CRLF2: variants seen among roughly 807,000 people sequenced by gnomAD.
CRLF2 encodes cytokine receptor-like factor 2.
CRLF2 carries 41 observed loss-of-function variants against 38.7 expected under a neutral mutation model. The ratio of observed to expected loss-of-function variants is 1.06; its 90% CI spans 0.83 to 1.37. CRLF2 has a LOEUF of 1.37. Among genes scored for constraint, CRLF2 ranks in the 40% most tolerant of loss-of-function variants. CRLF2 has a pLI of 0.00. For synonymous variants in CRLF2, 140 were observed against 128.8 expected (o/e 1.09, Z -0.59); for missense variants, 377 against 322.2 (o/e 1.17, Z -1.30).
At chrX:1,210,924 A>AATGGGTGG (rs1200818457) in intron 1 of CRLF2, among the ~76,000 whole-genome samples, 1 of 150,138 alleles carries the variant, frequency 6.7e-6, no homozygotes, top group Non-Finnish European at 1.5e-5. Flanking sequence ...TACACAGGTG[A>AATGGGTGG]ATGGGTGGAT....
rs2086360246 is a variant in CRLF2, at chrX:1,190,754, G to A, written c.*143C>T. 2 of 398,218 alleles carry A rather than the reference G, an allele frequency of 5.0e-6. No individual in the cohort carries two copies. Among genetic ancestry groups the A allele is most frequent in the East Asian group, 3.6e-5 (1 of 28,058 alleles). The allele number at this position is 398,218 out of a possible 1,614,324, so 24.7% of individuals were successfully genotyped here. A position where few individuals can be genotyped will look rare whatever the true frequency, so the allele number is the denominator to read the frequency against. On this transcript the variant is annotated 3_prime_UTR_variant, in exon 8 of 8. Transcript: ENST00000400841. ...GGCAGTGGCCGCATTAGGCGGTGAG[G>A]CTGGGTCTTCAGAGTCTCCTAGTCC...
At chrX:1,196,475 C>A (rs373572582) in intron 6 of CRLF2, among the ~76,000 whole-genome samples, 1 of 151,712 alleles carries the variant, frequency 6.6e-6, no homozygotes, top group Non-Finnish European at 1.5e-5. Context: ...CGTGAACCAC[C>A]GTGCCTGACC....
At chrX:1,200,186 G>C (rs2086576637) in intron 4 of CRLF2, among the ~76,000 whole-genome samples, 1 of 151,332 alleles carries the variant, frequency 6.6e-6, no homozygotes, top group Non-Finnish European at 1.5e-5. Context: ...GTGTATATAA[G>C]CTGTGTATAT....
intron 4 of CRLF2, 68 bp downstream of exon 4, chrX:1,202,334 G>A (rs2086621853): frequency 6.3e-6 from 10 of 1,593,488 alleles, no homozygotes; most frequent in South Asian, 3.3e-5. Context: ...ATGAAACAGC[G>A]AATCCCACAG....
intron 1 of CRLF2, among the ~76,000 whole-genome samples, chrX:1,210,447 G>A (rs2086777490): frequency 1.3e-5 from 2 of 152,104 alleles, no homozygotes; most frequent in Admixed American, 1.3e-4. Context: ...CCAAGTAGCT[G>A]GGACTACAGG....
chrX:1,207,970 G>A (rs1326073232), intron 2 of CRLF2, among the ~76,000 whole-genome samples: 11 of 152,054 alleles, frequency 7.2e-5, no homozygotes, highest in South Asian at 4.1e-4. Context: ...TGTACGCTTT[G>A]CCGTTTATCT....
intron 2 of CRLF2, among the ~76,000 whole-genome samples, chrX:1,206,854 A>C (rs1329635778): frequency 1.3e-5 from 2 of 150,986 alleles, no homozygotes; most frequent in Non-Finnish European, 2.9e-5. Context: ...TGTTGGGGCC[A>C]GGCTGGTCTG....
chrX:1,210,814 G>T (rs1157601265), intron 1 of CRLF2, among the ~76,000 whole-genome samples: 2 of 152,196 alleles, frequency 1.3e-5, no homozygotes, highest in African/African-American at 2.4e-5. Context: ...GGATGGGTAG[G>T]TAGATGGATG....
At chrX:1,201,277 C>CTGTGTGTGT (rs2086599661) in intron 4 of CRLF2, among the ~76,000 whole-genome samples, 2 of 150,864 alleles carry the variant, frequency 1.3e-5, no homozygotes, top group African/African-American at 4.9e-5. Flanking sequence ...TGTGTGTGTG[C>CTGTGTGTGT]CTGTGTGTGT....
At chrX:1,192,740 C>CT (rs1449158998) in intron 7 of CRLF2, among the ~76,000 whole-genome samples, 2 of 113,002 alleles carry the variant, frequency 1.8e-5, no homozygotes, top group African/African-American at 3.4e-5. Context: ...TTCTTTCTTT[C>CT]TTTCTTTCTT....
Position 1,198,740 on chromosome X carries a change from C to CATAT in CRLF2, c.484-17_484-16insATAT. ...CCTGTTTGGACTGGAGAAACATACA[C>CATAT]ACACACACACACACACACACACACA... is the stretch of plus-strand genomic sequence containing the variant. On this transcript the variant is annotated splice_polypyrimidine_tract_variant and intron_variant, in intron 4 of 7. Transcript: ENST00000400841. 2.6e-6 allele frequency: 2 copies of CATAT among 768,904 alleles called. No homozygotes were observed. The highest frequency in any genetic ancestry group is 4.1e-6 in the Non-Finnish European group (2 of 493,222). The allele number at this position is 768,904 out of a possible 1,614,324, so 47.6% of individuals were successfully genotyped here. A position where few individuals can be genotyped will look rare whatever the true frequency, so the allele number is the denominator to read the frequency against.
At chrX:1,206,991 G>A (rs1438661483) in intron 2 of CRLF2, among the ~76,000 whole-genome samples, 1 of 147,492 alleles carries the variant, frequency 6.8e-6, no homozygotes, top group Non-Finnish European at 1.5e-5. Flanking sequence ...TGTCCCTGAG[G>A]CTGGAGTGCA....
At chrX:1,203,887 A>G (rs1486356210) in intron 3 of CRLF2, among the ~76,000 whole-genome samples, 22 of 152,152 alleles carry the variant, frequency 1.4e-4, no homozygotes, top group Non-Finnish European at 2.6e-4. Flanking sequence ...CCGGATTCTC[A>G]AACAGATCCG....
intron 7 of CRLF2, among the ~76,000 whole-genome samples, chrX:1,191,747 A>T (rs1411494708): frequency 4.7e-5 from 7 of 150,204 alleles, no homozygotes; most frequent in Non-Finnish European, 8.9e-5. Flanking sequence ...GTCAGGCTGG[A>T]CTCGAACTCC....
chrX:1,209,292 T>TATTGC lies in CRLF2; in HGVS notation c.80-385_80-384insGCAAT, dbSNP rs1455562910. Among the ~76,000 whole-genome samples, 323 of 128,296 alleles carry TATTGC rather than the reference T, an allele frequency of 2.5e-3. 7 individuals carry two copies. The highest frequency in any genetic ancestry group is 6.5e-4 in the Non-Finnish European group (40 of 61,138). 84.2% of individuals were successfully genotyped at this position (128,296 alleles called of 152,430 possible). On this transcript the variant is annotated intron_variant, in intron 1 of 7. Coordinates refer to ENST00000400841, the MANE Select transcript of CRLF2 (RefSeq NM_022148.4). Reference sequence around the variant, plus strand: ...TATTGTATTGCATTGTATTGCATTGTATTGTAGTGTAGTGTAGTGTAGTGT... The same window carrying TATTGC: ...TATTGTATTGCATTGTATTGCATTGTATTGCATTGTAGTGTAGTGTAGTGTAGTGT...
chrX:1,211,444 T>G (rs1254607321), intron 1 of CRLF2, among the ~76,000 whole-genome samples: 4 of 87,622 alleles, frequency 4.6e-5, no homozygotes, highest in South Asian at 3.6e-4. Flanking sequence ...TAGATGGATG[T>G]ATTGGTGGAT....
intron 1 of CRLF2, among the ~76,000 whole-genome samples, chrX:1,210,893 A>G (rs2086785297): frequency 6.6e-6 from 1 of 152,094 alleles, no homozygotes. Context: ...GAGTGGATGG[A>G]TGAATAAATG....
At chrX:1,210,111 A>AAAAAAG (rs1556425587) in intron 1 of CRLF2, among the ~76,000 whole-genome samples, 2,238 of 107,748 alleles carry the variant, frequency 0.021, 41 homozygotes, top group Non-Finnish European at 0.031. Context: ...ATCAAAAAAA[A>AAAAAAG]AAAAGAAAAG....
At chrX:1,192,255 CAG>C (rs1475650260) in intron 7 of CRLF2, among the ~76,000 whole-genome samples, 1 of 149,982 alleles carries the variant, frequency 6.7e-6, no homozygotes, top group Admixed American at 6.7e-5. Context: ...AATGGGAAGT[CAG>C]AGTTGGACAT....
Sources: gnomAD v4.1 joint callset for allele counts (sites outside exome capture counted in the v4.1 genomes callset) on GRCh38, gnomAD v4.1.1 for gene constraint, MANE v1.5 for transcripts, NCBI Gene and HGNC (gene_info 2026-07-23, HGNC 2026-07-21) for gene names.